PPIP5K2: variants seen among roughly 807,000 people sequenced by gnomAD.
PPIP5K2 encodes the protein inositol hexakisphosphate and diphosphoinositol-pentakisphosphate kinase 2.
Under a neutral mutation model 154.6 loss-of-function variants are expected in PPIP5K2, and 105 were observed. The observed-to-expected ratio is 0.68, with a 90% CI of 0.58 to 0.80. The LOEUF is 0.80. PPIP5K2 is among the 30% of genes least tolerant of loss of function. PPIP5K2 has a pLI of 0.00. For synonymous variants in PPIP5K2, 480 were observed against 490.3 expected, an observed-to-expected ratio of 0.98 and a Z score of 0.28; for missense variants, 992 against 1,504.6, an observed-to-expected ratio of 0.66 and a Z score of 5.64.
intron 5 of PPIP5K2, among the ~76,000 whole-genome samples, chr5:103,144,350 C>T (rs1490604560): frequency 6.6e-6 from 1 of 151,972 alleles, no homozygotes; most frequent in East Asian, 1.9e-4. Flanking sequence ...TTAAAATTGC[C>T]ATACTACCCA....
chr5:103,122,565 GC>G (rs1788950691), intron 1 of PPIP5K2, among the ~76,000 whole-genome samples: 1 of 152,188 alleles, frequency 6.6e-6, no homozygotes, highest in African/African-American at 2.4e-5. Context: ...GAGCCAGGTT[GC>G]CTTTGCCAGC....
intron 21 of PPIP5K2, among the ~76,000 whole-genome samples, chr5:103,175,879 G>C (rs1798625829): frequency 6.6e-6 from 1 of 151,888 alleles, no homozygotes; most frequent in South Asian, 2.1e-4. Context: ...CTTCCAGGGG[G>C]AAAAATAATT....
rs782455773 is a variant in PPIP5K2 at position 103,184,741 on chromosome 5, G to A, written c.3166G>A (p.Val1056Ile). ...TGTGGAACAGAAGCAGAATCCTACT[G>A]TAGGTATGTGGTGTAAAGGAAATTG... ...TLVEQKQNPT[V>I]GSHCAGLFST... Residue 1056 changes from valine (V) to isoleucine (I), a missense_variant, in exon 26 of 31, where the codon GTA becomes ATA. This residue lies in a region of PPIP5K2 where 204 missense variants were observed against 224.0 expected (regional missense o/e 0.91). Transcript: ENST00000358359. 1.2e-6 allele frequency: 2 copies of A among 1,610,304 alleles called. No homozygotes were observed. The highest frequency in any genetic ancestry group is 1.7e-6 in the Non-Finnish European group (2 of 1,176,794).
At chr5:103,124,144 G>A (rs1789230148) in intron 1 of PPIP5K2, among the ~76,000 whole-genome samples, 1 of 151,988 alleles carries the variant, frequency 6.6e-6, no homozygotes, top group South Asian at 2.1e-4. Flanking sequence ...GCTGAGTGTG[G>A]TGGTGGGTGC....
At chr5:103,149,504 C>T (rs1554210561) in intron 8 of PPIP5K2, among the ~76,000 whole-genome samples, 191 bp downstream of exon 8, 2 of 151,738 alleles carry the variant, frequency 1.3e-5, no homozygotes, top group Non-Finnish European at 2.9e-5. Flanking sequence ...TAAAAGAAAA[C>T]CTGGTCAATT....
chr5:103,201,661 A>C lies in PPIP5K2; in HGVS notation c.*27A>C, dbSNP rs1554230553. The C allele has an allele frequency of 6.9e-7, 1 of 1,444,744 alleles. No homozygotes were observed. The highest frequency in any genetic ancestry group is 2.3e-5 in the East Asian group (1 of 43,468). 89.5% of individuals were successfully genotyped at this position (1,444,744 alleles called of 1,614,324 possible). ...ATCTTAGCAGAAGCTGGAACTTTTTATACTTATAAAAATAGTATGTTCTTA... is the reference window on the plus strand; with the variant it reads ...ATCTTAGCAGAAGCTGGAACTTTTTCTACTTATAAAAATAGTATGTTCTTA... On this transcript the variant is annotated 3_prime_UTR_variant, in exon 31 of 31. Coordinates refer to ENST00000358359, the MANE Select transcript of PPIP5K2 (RefSeq NM_001276277.3).
rs782591013 is a variant in PPIP5K2 at position 103,158,186 on chromosome 5, A to G, written c.1490-2A>G. On this transcript the variant is annotated splice_acceptor_variant, in intron 14 of 30. Coordinates refer to ENST00000358359, the MANE Select transcript of PPIP5K2 (RefSeq NM_001276277.3). LOFTEE classifies it high-confidence loss of function. ...TGTTTTATTCATTCATATGTGTCAT[A>G]GACAGCCGAAGAGAAGAACCATCTT... 1 of 1,612,326 alleles carries G rather than the reference A, an allele frequency of 6.2e-7. No individual in the cohort carries two copies. The highest frequency in any genetic ancestry group is 1.7e-5 in the Admixed American group (1 of 59,940).
In PPIP5K2 at chr5:103,177,700, G is replaced by A. The variant is rs1798925372; in HGVS notation, c.2563G>A (p.Asp855Asn). The A allele has an allele frequency of 2.5e-6, 4 of 1,611,168 alleles. No homozygotes were observed. Among genetic ancestry groups the A allele is most frequent in the Non-Finnish European group, 2.5e-6 (3 of 1,178,788 alleles). Residue 855 changes from aspartate to asparagine, a missense_variant, in exon 22 of 31, where the codon GAT becomes AAT. Around this residue, in one of 9 missense-constraint regions of PPIP5K2, gnomAD observed 157 missense variants for 281.2 expected, o/e 0.56. Transcript: ENST00000358359. ...SKDEQWKRAM[D>N]YLNVVNELNY... ...GGATGAACAGTGGAAACGAGCTATG[G>A]ATTATTTAAACGTTGTCAATGAGCT...
At chr5:103,146,219 T>C (rs1206400694) in intron 5 of PPIP5K2, among the ~76,000 whole-genome samples, 1 of 152,074 alleles carries the variant, frequency 6.6e-6, no homozygotes, top group East Asian at 1.9e-4. Flanking sequence ...CAGAAGATGG[T>C]GGCATTCTTG....
At chr5:103,145,518 G>A (rs1554208840) in intron 5 of PPIP5K2, among the ~76,000 whole-genome samples, 2 of 152,040 alleles carry the variant, frequency 1.3e-5, no homozygotes, top group Admixed American at 1.3e-4. Context: ...GATGGATAAA[G>A]AAAATGTGGT....
At chr5:103,176,810 T>C in intron 21 of PPIP5K2, 1 of 1,057,216 alleles carries the variant, frequency 9.5e-7, no homozygotes, top group Non-Finnish European at 1.3e-6. Context: ...ATGCTTGTAG[T>C]ACATGTTCTC....
At chr5:103,180,672 A>ACC (rs1439957255) in intron 24 of PPIP5K2, among the ~76,000 whole-genome samples, 1 of 151,520 alleles carries the variant, frequency 6.6e-6, no homozygotes, top group East Asian at 1.9e-4. Context: ...ACATAGTGAA[A>ACC]CCCCCGTCTC....
In PPIP5K2 at chr5:103,202,463, G is replaced by A. The variant is rs1554230933; in HGVS notation, c.*829G>A. On this transcript the variant is annotated 3_prime_UTR_variant, in exon 31 of 31. Coordinates refer to ENST00000358359, the MANE Select transcript of PPIP5K2 (RefSeq NM_001276277.3). The stretch of plus-strand genomic sequence containing the variant: ...GTTCTTTTTAGATCTAAAGAAGTCA[G>A]TTCAAAAATGGAAATCAACAATGTT... 6.6e-6 allele frequency: 1 copy of A among 152,130 alleles called. No individual in the cohort carries two copies. Among genetic ancestry groups the A allele is most frequent in the African/African-American group, 2.4e-5 (1 of 41,444 alleles). The allele number at this position is 152,130 out of a possible 1,614,324, so 9.4% of individuals were successfully genotyped here. A position where few individuals can be genotyped will look rare whatever the true frequency, so the allele number is the denominator to read the frequency against.
chr5:103,178,096 G>C, intron 23 of PPIP5K2, 116 bp downstream of exon 23: 2 of 726,066 alleles, frequency 2.8e-6, no homozygotes, highest in Non-Finnish European at 4.6e-6. Flanking sequence ...TTCTAAGCAG[G>C]AAAATGGTTT....
At chr5:103,145,429 G>A (rs747322006) in intron 5 of PPIP5K2, among the ~76,000 whole-genome samples, 14 of 152,052 alleles carry the variant, frequency 9.2e-5, no homozygotes, top group Non-Finnish European at 1.8e-4. Flanking sequence ...TCAGTATATT[G>A]AAGAGATATT....
chr5:103,169,184 G>T (rs1554218857), intron 19 of PPIP5K2, among the ~76,000 whole-genome samples: 1 of 151,696 alleles, frequency 6.6e-6, no homozygotes, highest in Non-Finnish European at 1.5e-5. Context: ...GGGGTAAGTG[G>T]CAAAACATAT....
At chr5:103,197,176 A>G (rs1554228800) in intron 30 of PPIP5K2, among the ~76,000 whole-genome samples, 1 of 152,150 alleles carries the variant, frequency 6.6e-6, no homozygotes, top group African/African-American at 2.4e-5. Flanking sequence ...AGGTTTTGGT[A>G]TCAGAGTAAT....
At chr5:103,151,180 C>T in intron 8 of PPIP5K2, 73 bp from the exon 9 acceptor site, 1 of 1,300,844 alleles carries the variant, frequency 7.7e-7, no homozygotes, top group Non-Finnish European at 1.1e-6. Flanking sequence ...TTGATATGTT[C>T]TGATAGGACT....
chr5:103,151,328 G>A lies in PPIP5K2; in HGVS notation c.982G>A (p.Val328Met), dbSNP rs77047621. ...CTGTGATGTCAATGGCTTCAGTTTT[G>A]TGAAAAATTCCATGAAGTATTATGA... ...YVCDVNGFSF[V>M]KNSMKYYDDC... The change falls in exon 9 of 31, where the codon GTG becomes ATG. Residue 328 changes from valine (V) to methionine (M), a missense_variant. Physicochemically the swap from Val to Met is conservative, Grantham distance 21 (BLOSUM62 1). Transcript: ENST00000358359. 1 of 1,611,236 alleles carries A rather than the reference G, an allele frequency of 6.2e-7. No individual in the cohort carries two copies. Among genetic ancestry groups the A allele is most frequent in the South Asian group, 1.1e-5 (1 of 90,884 alleles).
Sources: gnomAD v4.1 joint callset for allele counts (sites outside exome capture counted in the v4.1 genomes callset) on GRCh38, gnomAD v4.1.1 for gene constraint, gnomAD v4.1.1 regional missense constraint, MANE v1.5 for transcripts, NCBI Gene and HGNC (gene_info 2026-07-23, HGNC 2026-07-21) for gene names.